Variants in PCNX2 observed in about 807,000 individuals in gnomAD.
The protein encoded by PCNX2 is pecanex 2, also known as pecanex-like protein 2.
A neutral mutation model predicts 223.8 loss-of-function variants in PCNX2; 168 were observed. That is an observed-to-expected ratio of 0.75 (90% confidence interval 0.66 to 0.85). The LOEUF (loss-of-function observed/expected upper bound fraction) is 0.85, where lower values mean the gene tolerates loss of function less well. Ranked by LOEUF, PCNX2 falls within the 40% of genes least tolerant of loss-of-function variation. The pLI is 0.00. For missense variants in PCNX2, 2,507 were observed against 2,675.5 expected, an observed-to-expected ratio of 0.94 and a Z score of 1.39; for synonymous variants, 1,006 against 1,052.6, an observed-to-expected ratio of 0.96 and a Z score of 0.86.
rs1412076410 is a variant in PCNX2 at position 233,259,236 on chromosome 1, G to T, written c.626C>A (p.Thr209Asn). Residue 209 changes from threonine to asparagine, a missense_variant, in exon 5 of 34, where the codon ACC becomes AAC. Thr to Asn is a moderately conservative substitution (Grantham distance 65). Transcript: ENST00000258229. ...TGGTTTTACAGGTATTACTGACTTG[G>T]TCGTGGTTTCCAGCATGTGTGCTTG... ...ASQAHMLETTTKSVIPVKPVA... is the reference protein window; with the variant it reads ...ASQAHMLETTNKSVIPVKPVA... The T allele has an allele frequency of 1.2e-6, 2 of 1,613,940 alleles. No individual in the cohort carries two copies. Among genetic ancestry groups the T allele is most frequent in the Non-Finnish European group, 1.7e-6 (2 of 1,179,878 alleles).
intron 21 of PCNX2, among the ~76,000 whole-genome samples, chr1:233,128,994 C>T (rs1279509218): frequency 6.6e-6 from 1 of 152,226 alleles, no homozygotes; most frequent in Non-Finnish European, 1.5e-5. Context: ...CTCTTGGCGC[C>T]TCCTCGGCCT....
intron 2 of PCNX2, 109 bp downstream of exon 2, chr1:233,262,849 T>C (rs1394145427): frequency 2.1e-6 from 2 of 972,430 alleles, no homozygotes; most frequent in East Asian, 2.5e-5. Flanking sequence ...AAAATGCATA[T>C]ATTTCTGTCT....
chr1:233,011,403 A>G (rs1670466759), intron 28 of PCNX2, among the ~76,000 whole-genome samples: 1 of 152,216 alleles, frequency 6.6e-6, no homozygotes, highest in Non-Finnish European at 1.5e-5. Context: ...CCTTCATAAC[A>G]GTGGTTTCAT....
chr1:233,262,159 A>G lies in PCNX2; in HGVS notation c.366T>C (p.Asn122=), dbSNP rs767269857. The G allele has an allele frequency of 2.5e-6, 4 of 1,613,712 alleles. No homozygotes were observed. The highest frequency in any genetic ancestry group is 1.1e-5 in the South Asian group (1 of 91,068). ...CCTTTTTGCCATTGTGAATCTGCCTATTATTGCTAACCCAACATGAGAAAC... is the reference window on the plus strand; with the variant it reads ...CCTTTTTGCCATTGTGAATCTGCCTGTTATTGCTAACCCAACATGAGAAAC... ...HITNHRNPSN[N]RQIHNGKKEE... is the part of the protein sequence containing the mutation. Residue 122 remains asparagine, a synonymous_variant, in exon 3 of 34, where the codon AAT becomes AAC. Coordinates refer to ENST00000258229, the MANE Select transcript of PCNX2 (RefSeq NM_014801.4).
chr1:233,194,596 T>C (rs777648309), intron 15 of PCNX2, among the ~76,000 whole-genome samples: 4 of 152,164 alleles, frequency 2.6e-5, no homozygotes, highest in Non-Finnish European at 4.4e-5. Context: ...AATATTACTA[T>C]ATAAAAAAGT....
chr1:233,045,195 GC>G (rs1671784134), intron 25 of PCNX2, among the ~76,000 whole-genome samples: 1 of 152,052 alleles, frequency 6.6e-6, no homozygotes, highest in Non-Finnish European at 1.5e-5. Context: ...GCATTTCCTA[GC>G]CTCTTTTGTA....
At chr1:233,206,479 TAA>T (rs1681471299) in intron 13 of PCNX2, among the ~76,000 whole-genome samples, 1 of 151,964 alleles carries the variant, frequency 6.6e-6, no homozygotes, top group South Asian at 2.1e-4. Flanking sequence ...ATGGGCGCAC[TAA>T]GTTATAAAAT....
At chr1:233,081,994 TTGTGTG>T (rs57675075) in intron 23 of PCNX2, among the ~76,000 whole-genome samples, 5 of 148,378 alleles carry the variant, frequency 3.4e-5, no homozygotes, top group Admixed American at 6.7e-5. Flanking sequence ...CTGTGTGTGT[TTGTGTG>T]TGTGTGTGTG....
Position 233,235,848 on chromosome 1 carries a change from C to T in PCNX2, c.2358+997G>A, listed in dbSNP as rs546238739. Among the ~76,000 whole-genome samples, 11 of 151,418 alleles carry T rather than the reference C, an allele frequency of 7.3e-5. No homozygotes were observed. In the East Asian group the frequency reaches 1.4e-3, roughly 19 times the overall value. On this transcript the variant is annotated intron_variant, in intron 9 of 33. Coordinates refer to ENST00000258229, the MANE Select transcript of PCNX2 (RefSeq NM_014801.4). ...AACCCCTGACCTCAGGTGATCCATC[C>T]ACCTTGGCCTCCCAAAGTGCTGGGA...
the PCNX2 span, among the ~76,000 whole-genome samples, chr1:233,310,693 G>T: frequency 6.6e-6 from 1 of 152,182 alleles, no homozygotes; most frequent in Non-Finnish European, 1.5e-5. Context: ...AATACCTGAG[G>T]CTGGGTCATT....
chr1:233,244,647 G>A (rs1658993198), intron 8 of PCNX2, among the ~76,000 whole-genome samples: 1 of 152,134 alleles, frequency 6.6e-6, no homozygotes, highest in Non-Finnish European at 1.5e-5. Context: ...GGAGGCAGAA[G>A]TTGTGGTGAG....
At chr1:233,019,023 CTCTG>C in intron 26 of PCNX2, 1 of 985,396 alleles carries the variant, frequency 1.0e-6, no homozygotes, top group Non-Finnish European at 1.2e-6. Context: ...TCTTCCCTCC[CTCTG>C]TCTGGGAAAT....
chr1:233,102,555 T>C (rs1674544360), intron 21 of PCNX2, among the ~76,000 whole-genome samples: 1 of 152,178 alleles, frequency 6.6e-6, no homozygotes, highest in African/African-American at 2.4e-5. Flanking sequence ...TAACAGCCAT[T>C]TTAACTGGGG....
intron 5 of PCNX2, 151 bp downstream of exon 5, chr1:233,257,877 C>T: frequency 9.6e-7 from 1 of 1,044,770 alleles, no homozygotes; most frequent in Non-Finnish European, 1.3e-6. Context: ...AGTATCGGTA[C>T]ATTCAGCAAA....
rs933173668 is a variant in PCNX2 at position 233,047,848 on chromosome 1, T to C, written c.4351+6420A>G. Among the ~76,000 whole-genome samples the C allele has an allele frequency of 4.6e-5, 7 of 152,136 alleles. No homozygotes were observed. In the South Asian group the frequency reaches 1.2e-3, roughly 27 times the overall value. ...GAAATTCTGGACTTAAATTTGACACTTGACCAACTGGACCTAATAGAAATC... is the reference window on the plus strand; with the variant it reads ...GAAATTCTGGACTTAAATTTGACACCTGACCAACTGGACCTAATAGAAATC... On this transcript the variant is annotated intron_variant, in intron 25 of 33. Transcript: ENST00000258229.
At chr1:233,312,052 C>T in the PCNX2 span, among the ~76,000 whole-genome samples, 266 of 152,080 alleles carry the variant, frequency 1.7e-3, 1 homozygote, top group African/African-American at 5.9e-3. Flanking sequence ...TGCTTGAACC[C>T]GGGAGGCGGA....
Position 233,262,912 on chromosome 1 carries a change from G to C in PCNX2, c.359+46C>G, listed in dbSNP as rs747394552. On this transcript the variant is annotated intron_variant, in intron 2 of 33. Transcript: ENST00000258229. ...GATAAAAAACTTATTTTAATCAAGAGCAAAACATTTACATTTTGAAGTGTC... is the reference window on the plus strand; with the variant it reads ...GATAAAAAACTTATTTTAATCAAGACCAAAACATTTACATTTTGAAGTGTC... The C allele has an allele frequency of 1.5e-5, 23 of 1,576,766 alleles. No individual in the cohort carries two copies. The East Asian group carries it at 5.2e-4, about 35-fold the overall frequency.
At chr1:232,987,547 C>A (rs575291589) in intron 32 of PCNX2, among the ~76,000 whole-genome samples, 10 of 152,302 alleles carry the variant, frequency 6.6e-5, no homozygotes, top group Middle Eastern at 3.4e-3. Context: ...TAAATAAAGA[C>A]AAACAAGGGG....
At chr1:233,214,535 T>G (rs1283183966) in intron 12 of PCNX2, among the ~76,000 whole-genome samples, 1 of 152,230 alleles carries the variant, frequency 6.6e-6, no homozygotes, top group African/African-American at 2.4e-5. Flanking sequence ...GAGCTCTGCC[T>G]CTGGCTTGCT....
Sources: gnomAD v4.1 joint callset for allele counts (sites outside exome capture counted in the v4.1 genomes callset) on GRCh38, gnomAD v4.1.1 for gene constraint, MANE v1.5 for transcripts, NCBI Gene and HGNC (gene_info 2026-07-23, HGNC 2026-07-21) for gene names.